Variants in GRIK4 observed in about 807,000 individuals in gnomAD.
The protein encoded by GRIK4 is glutamate ionotropic receptor kainate type subunit 4, also known as glutamate receptor ionotropic, kainate 4.
GRIK4 carries 40 observed loss-of-function variants against 104.9 expected under a neutral mutation model. That is an observed-to-expected ratio of 0.38 (90% confidence interval 0.30 to 0.50). The LOEUF (loss-of-function observed/expected upper bound fraction) is 0.50. GRIK4 is among the 20% of genes least tolerant of loss of function. The pLI, the probability that GRIK4 is intolerant of heterozygous loss-of-function variation, is 0.93. For synonymous variants in GRIK4, 485 were observed against 524.9 expected (o/e 0.92, Z 1.04); for missense variants, 1,047 against 1,308.1 (o/e 0.80, Z 3.08).
chr11:120,834,875 C>T (rs1160162306), intron 7 of GRIK4, among the ~76,000 whole-genome samples: 3 of 152,240 alleles, frequency 2.0e-5, no homozygotes, highest in African/African-American at 4.8e-5. Flanking sequence ...ACTGTGACCC[C>T]GCCCGGACCC....
At chr11:120,970,801 G>A (rs1344156164) in intron 19 of GRIK4, among the ~76,000 whole-genome samples, 1 of 152,120 alleles carries the variant, frequency 6.6e-6, no homozygotes, top group Admixed American at 6.5e-5. Flanking sequence ...CTCATTAAAT[G>A]TTTACCCTCC....
At chr11:120,637,037 G>C (rs1365151504) in intron 1 of GRIK4, among the ~76,000 whole-genome samples, 2 of 152,150 alleles carry the variant, frequency 1.3e-5, no homozygotes, top group Non-Finnish European at 2.9e-5. Context: ...CAATGCCATG[G>C]GCCTCCCCAG....
chr11:120,791,313 G>A lies in GRIK4; in HGVS notation c.83-11380G>A, dbSNP rs1290031237. ...TTTTAGCCATTCTAATAGATGTGTAGTAATATATCATTATGGTTTTAATTT... is the reference window on the plus strand; with the variant it reads ...TTTTAGCCATTCTAATAGATGTGTAATAATATATCATTATGGTTTTAATTT... On this transcript the variant is annotated intron_variant, in intron 3 of 20. Transcript: ENST00000527524. Among the ~76,000 whole-genome samples the A allele has an allele frequency of 7.2e-5, 11 of 152,298 alleles. No homozygotes were observed. In the East Asian group the frequency reaches 2.1e-3, roughly 29 times the overall value.
chr11:120,609,745 C>T (rs1949010366), intron 1 of GRIK4, among the ~76,000 whole-genome samples: 1 of 152,030 alleles, frequency 6.6e-6, no homozygotes, highest in Admixed American at 6.5e-5. Flanking sequence ...AACTCCTGAC[C>T]TCAGGTGATC....
intron 3 of GRIK4, among the ~76,000 whole-genome samples, chr11:120,731,367 C>T (rs1452858594): frequency 5.3e-5 from 8 of 151,680 alleles, no homozygotes; most frequent in African/African-American, 1.7e-4. Flanking sequence ...TATAATGTCA[C>T]GTTGCTTGAT....
chr11:120,884,244 T>C (rs1261128198), intron 11 of GRIK4, among the ~76,000 whole-genome samples: 1 of 152,234 alleles, frequency 6.6e-6, no homozygotes. Context: ...GAGAGCAAAA[T>C]GAAACATTGT....
chr11:120,922,561 C>T (rs1381456764), intron 13 of GRIK4, among the ~76,000 whole-genome samples: 1 of 152,214 alleles, frequency 6.6e-6, no homozygotes, highest in African/African-American at 2.4e-5. Flanking sequence ...GTGGTGTGTT[C>T]GATGTGCGTA....
rs1456531386 is a variant in GRIK4 at position 120,819,948 on chromosome 11, C to T, written c.511+28C>T. Reference sequence around the variant, plus strand: ...AAGTTTCCCCAGGCTGGCTCTGCCCCAGACAGTCCAGTCTTGTTGATTTTG... The same window carrying T: ...AAGTTTCCCCAGGCTGGCTCTGCCCTAGACAGTCCAGTCTTGTTGATTTTG... On this transcript the variant is annotated intron_variant, in intron 6 of 20. Coordinates refer to ENST00000527524, the MANE Select transcript of GRIK4 (RefSeq NM_014619.5). The surrounding 1 kb of genome is among the most constrained non-coding windows in gnomAD (Gnocchi z 4.3). The T allele has an allele frequency of 1.2e-6, 2 of 1,609,210 alleles. No individual in the cohort carries two copies. The highest frequency in any genetic ancestry group is 1.7e-5 in the Admixed American group (1 of 59,988).
At chr11:120,813,194 G>A (rs1952864008) in intron 4 of GRIK4, among the ~76,000 whole-genome samples, 1 of 152,116 alleles carries the variant, frequency 6.6e-6, no homozygotes, top group Non-Finnish European at 1.5e-5. Flanking sequence ...TGTGAGAGAG[G>A]AACATGAACC....
chr11:120,966,517 G>A (rs189250446), intron 18 of GRIK4, among the ~76,000 whole-genome samples: 1 of 152,270 alleles, frequency 6.6e-6, no homozygotes, highest in East Asian at 1.9e-4. Flanking sequence ...GGCTACAGGT[G>A]CGCACCATCA....
chr11:120,655,686 G>A (rs981793240), intron 2 of GRIK4, among the ~76,000 whole-genome samples: 5 of 152,168 alleles, frequency 3.3e-5, no homozygotes, highest in African/African-American at 1.2e-4. Context: ...TGGAGAGAAA[G>A]GTGTGGTATT....
chr11:120,536,995 G>C (rs1480514802), intron 1 of GRIK4, among the ~76,000 whole-genome samples: 7 of 152,276 alleles, frequency 4.6e-5, no homozygotes, highest in Non-Finnish European at 1.0e-4. Context: ...TGTGCTCTGG[G>C]TGCACTGTGC....
At chr11:120,959,078 T>C (rs1172021034) in intron 16 of GRIK4, among the ~76,000 whole-genome samples, 1 of 152,124 alleles carries the variant, frequency 6.6e-6, no homozygotes, top group Non-Finnish European at 1.5e-5. Flanking sequence ...TTTCTCTATA[T>C]CTCACATCCC....
rs1947829780 is a variant in GRIK4 at position 120,524,010 on chromosome 11, T to C, written c.-159+12123T>C. Among the ~76,000 whole-genome samples, 1 of 150,578 alleles carries C rather than the reference T, an allele frequency of 6.6e-6. No individual in the cohort carries two copies. The highest frequency in any genetic ancestry group is 2.4e-5 in the African/African-American group (1 of 40,866). ...GGCACGATCTCGGCTCACTGCAACC[T>C]CCGCCTCCCAGGTTCAAGTGATTCC... On this transcript the variant is annotated intron_variant, in intron 1 of 20. Transcript: ENST00000527524. This position sits in a 1 kb window ranked among gnomAD's most constrained non-coding sequence, Gnocchi z 4.5.
intron 2 of GRIK4, among the ~76,000 whole-genome samples, chr11:120,658,605 A>G (rs1949753645): frequency 6.6e-6 from 1 of 152,018 alleles, no homozygotes; most frequent in Non-Finnish European, 1.5e-5. Flanking sequence ...CTGATGCTTA[A>G]TGAGGCTGAA....
intron 16 of GRIK4, among the ~76,000 whole-genome samples, chr11:120,960,666 A>G (rs748789954): frequency 6.6e-6 from 1 of 152,202 alleles, no homozygotes; most frequent in Non-Finnish European, 1.5e-5. Context: ...ATAACCCAAT[A>G]ATCATCTCCT....
chr11:120,696,237 G>A (rs967394400), intron 3 of GRIK4, among the ~76,000 whole-genome samples: 4 of 152,162 alleles, frequency 2.6e-5, no homozygotes, highest in Non-Finnish European at 5.9e-5. Flanking sequence ...ATCTGCAGGG[G>A]TTGCCCGTGA....
chr11:120,849,153 C>T (rs1953919364), intron 8 of GRIK4, among the ~76,000 whole-genome samples: 2 of 151,928 alleles, frequency 1.3e-5, no homozygotes, highest in African/African-American at 4.8e-5. Context: ...TGTATCTGCC[C>T]CCAACGCGCG....
chr11:120,572,318 C>T (rs972743380), intron 1 of GRIK4, among the ~76,000 whole-genome samples: 4 of 152,132 alleles, frequency 2.6e-5, no homozygotes, highest in Admixed American at 6.5e-5. Flanking sequence ...AAACATTCAG[C>T]CCATAACACA....
Sources: allele counts gnomAD v4.1 joint callset (sites outside exome capture counted in the v4.1 genomes callset), GRCh38; gene constraint gnomAD v4.1.1; non-coding constraint Gnocchi (gnomAD v3.1); transcripts MANE v1.5; gene names NCBI Gene and HGNC (gene_info 2026-07-23, HGNC 2026-07-21).